The following MLX variants were observed in gnomAD, a reference collection of about 807,000 sequenced individuals.
MLX encodes the protein MAX dimerization protein MLX.
A neutral mutation model predicts 33.0 loss-of-function variants in MLX; 15 were observed. The observed-to-expected ratio is 0.45, with a 90% confidence interval of 0.30 to 0.70. The LOEUF is 0.70. Ranked by LOEUF, MLX falls within the 30% of genes least tolerant of loss-of-function variation. The pLI is 0.07. For synonymous variants in MLX, 115 were observed against 115.6 expected, an observed-to-expected ratio of 0.99 and a Z score of 0.03; for missense variants, 285 against 306.3, an observed-to-expected ratio of 0.93 and a Z score of 0.52.
chr17:42,571,896 G>A lies in MLX; in HGVS notation c.*293G>A. ...GCGTCTGCTCTGGACACCCCAAAGA[G>A]CTCCTGCCCTCTCAGCCCTTTATTC... On this transcript the variant is annotated 3_prime_UTR_variant, in exon 8 of 8. Coordinates refer to ENST00000435881, the MANE Select transcript of MLX (RefSeq NM_198204.2). The A allele has an allele frequency of 2.4e-6, 1 of 423,876 alleles. No homozygotes were observed. The highest frequency in any genetic ancestry group is 2.7e-5 in the South Asian group (1 of 36,490). The allele number at this position is 423,876 out of a possible 1,614,324, so 26.3% of individuals were successfully genotyped here.
chr17:42,568,751 G>T, intron 3 of MLX, 86 bp from the exon 4 acceptor site: 3 of 1,262,224 alleles, frequency 2.4e-6, no homozygotes, highest in South Asian at 1.3e-5. Flanking sequence ...CTGGACACCA[G>T]GTTCTTCCCA....
Position 42,569,224 on chromosome 17 carries a change from G to C in MLX, c.297G>C (p.Gln99His). 2 of 1,614,102 alleles carry C rather than the reference G, an allele frequency of 1.2e-6. No individual in the cohort carries two copies. Among genetic ancestry groups the C allele is most frequent in the Non-Finnish European group, 1.7e-6 (2 of 1,180,030 alleles). The change falls in exon 5 of 8, where the codon CAG becomes CAC. Residue 99 changes from glutamine to histidine, a missense_variant. By Grantham distance (24) the Gln-to-His change is conservative. Coordinates refer to ENST00000435881, the MANE Select transcript of MLX (RefSeq NM_198204.2). Reference sequence around the variant, plus strand: ...CACAGAGAGGCTATGATGACCTTCAGACCATCGTCCCCACTTGCCAGCAGC... The same window carrying C: ...CACAGAGAGGCTATGATGACCTTCACACCATCGTCCCCACTTGCCAGCAGC... ...DAIKRGYDDLQTIVPTCQQQD... is the reference protein window; with the variant it reads ...DAIKRGYDDLHTIVPTCQQQD...
Position 42,569,609 on chromosome 17 carries a change from A to AAG in MLX, c.476+6_476+7dup. On this transcript the variant is annotated splice_donor_region_variant and intron_variant, in intron 6 of 7. Coordinates refer to ENST00000435881, the MANE Select transcript of MLX (RefSeq NM_198204.2). The stretch of plus-strand genomic sequence containing the variant: ...ACCGCCCTAAAGATCATGAAAGTGT[A>AAG]AGAGGGGTGCTGAATGGGGGGAACC... 1 of 1,611,822 alleles carries AAG rather than the reference A, an allele frequency of 6.2e-7. No individual in the cohort carries two copies. Among genetic ancestry groups the AAG allele is most frequent in the African/African-American group, 1.3e-5 (1 of 74,952 alleles).
chr17:42,567,532 G>C (rs1210506409), intron 1 of MLX, 87 bp from the exon 2 acceptor site: 1 of 1,594,710 alleles, frequency 6.3e-7, no homozygotes, highest in Non-Finnish European at 8.6e-7. Flanking sequence ...CCGGAATGGG[G>C]GGCGCGCTGT....
In MLX at chr17:42,569,911, G is replaced by T. The variant is rs893681688; in HGVS notation, c.477-71G>T. On this transcript the variant is annotated intron_variant, in intron 6 of 7. Coordinates refer to ENST00000435881, the MANE Select transcript of MLX (RefSeq NM_198204.2). ...GGCTGCCATTCCTGGGAGTACACAG[G>T]ATAGTCCCGTCATTCTTCTTGGGTG... 2.1e-6 allele frequency: 3 copies of T among 1,434,618 alleles called. No individual in the cohort carries two copies. In the Admixed American group the frequency reaches 5.1e-5, roughly 24 times the overall value. The allele number at this position is 1,434,618 out of a possible 1,614,324, so 88.9% of individuals were successfully genotyped here.
At chr17:42,568,348 G>A (rs1002268298) in intron 2 of MLX, 122 bp from the exon 3 acceptor site, 13 of 637,976 alleles carry the variant, frequency 2.0e-5, no homozygotes, top group Admixed American at 7.7e-5. Context: ...GGGCGACTGA[G>A]CGAGACTCTG....
intron 7 of MLX, among the ~76,000 whole-genome samples, 182 bp downstream of exon 7, chr17:42,570,365 G>A (rs1042266576): frequency 1.3e-5 from 2 of 152,046 alleles, no homozygotes; most frequent in Non-Finnish European, 2.9e-5. Flanking sequence ...TTCATGTTAC[G>A]GTTTCATTCG....
At position 42,571,652 on chromosome 17, in the gene MLX, C is replaced by T; in HGVS notation, c.*49C>T. ...CAGCCAACAAGAGGCCCTTGAATCT[C>T]TACGTGGCCACTGAACTGCTGGGCC... On this transcript the variant is annotated 3_prime_UTR_variant, in exon 8 of 8. Transcript: ENST00000435881. The T allele has an allele frequency of 2.6e-6, 4 of 1,566,116 alleles. No individual in the cohort carries two copies. Among genetic ancestry groups the T allele is most frequent in the Non-Finnish European group, 2.6e-6 (3 of 1,137,260 alleles).
At chr17:42,567,737 C>T in intron 2 of MLX, 82 bp downstream of exon 2, 1 of 1,576,466 alleles carries the variant, frequency 6.3e-7, no homozygotes, top group Non-Finnish European at 8.7e-7. Flanking sequence ...CCAACCACGC[C>T]TGAGCACAGT....
chr17:42,571,138 CTTTT>C (rs928314305), intron 7 of MLX, among the ~76,000 whole-genome samples: 3 of 130,448 alleles, frequency 2.3e-5, no homozygotes, highest in Admixed American at 7.6e-5. Context: ...TTCCTGGGGG[CTTTT>C]TTTTTTTTTT....
At chr17:42,569,450 A>G in intron 5 of MLX, 57 bp from the exon 6 acceptor site, 1 of 1,539,534 alleles carries the variant, frequency 6.5e-7, no homozygotes. Flanking sequence ...AGTCAGCCTT[A>G]TCTTCTTGGT....
chr17:42,571,594 G>A lies in MLX; in HGVS notation c.726G>A (p.Gln242=), dbSNP rs145413116. 6.5e-4 allele frequency: 1,052 copies of A among 1,614,134 alleles called. 1 individual carries two copies. Among genetic ancestry groups the A allele is most frequent in the Middle Eastern group, 1.3e-3 (8 of 6,062 alleles). The change falls in exon 8 of 8, where the codon CAG becomes CAA. Residue 242 remains glutamine, a synonymous_variant. Coordinates refer to ENST00000435881, the MANE Select transcript of MLX (RefSeq NM_198204.2). ...GCGTCCTGCACCAATTGAAAAACCA[G>A]CTTTACTGACCGGTTCTTGGAAACC... is the stretch of plus-strand genomic sequence containing the variant. ...VIGVLHQLKN[Q]LY
chr17:42,567,741 GCA>G (rs2093014694), intron 2 of MLX, 86 bp downstream of exon 2: 1 of 1,567,712 alleles, frequency 6.4e-7, no homozygotes, highest in African/African-American at 1.4e-5. Context: ...CCACGCCTGA[GCA>G]CAGTCCACTC....
intron 7 of MLX, among the ~76,000 whole-genome samples, chr17:42,571,313 T>C (rs975822932): frequency 2.0e-5 from 3 of 152,106 alleles, no homozygotes; most frequent in African/African-American, 7.2e-5. Flanking sequence ...TTTGTATTTT[T>C]AGTAGAGACG....
intron 1 of MLX, 116 bp from the exon 2 acceptor site, chr17:42,567,503 G>A: frequency 1.9e-6 from 3 of 1,551,760 alleles, no homozygotes; most frequent in Non-Finnish European, 2.6e-6. Context: ...CAAGCGCGCA[G>A]GGTGACAGAG....
chr17:42,568,654 G>A (rs2093018902), intron 3 of MLX, 95 bp downstream of exon 3: 1 of 1,266,520 alleles, frequency 7.9e-7, no homozygotes, highest in Non-Finnish European at 1.2e-6. Flanking sequence ...ATCCACACAG[G>A]GGTGCTGGAG....
At chr17:42,570,268 G>A (rs368620798) in intron 7 of MLX, 85 bp downstream of exon 7, 26 of 1,355,148 alleles carry the variant, frequency 1.9e-5, no homozygotes, top group African/African-American at 1.0e-4. Flanking sequence ...TGAGAAAAGC[G>A]TGGCAGCTGC....
intron 2 of MLX, 112 bp from the exon 3 acceptor site, chr17:42,568,358 G>C (rs150672525): frequency 1.4e-6 from 1 of 720,068 alleles, no homozygotes; most frequent in Non-Finnish European, 2.3e-6. Context: ...GCGAGACTCT[G>C]TCTAAAAAAA....
At chr17:42,568,643 C>A in intron 3 of MLX, 84 bp downstream of exon 3, 1 of 1,355,206 alleles carries the variant, frequency 7.4e-7, no homozygotes, top group Non-Finnish European at 1.1e-6. Flanking sequence ...AAGCCCCAGC[C>A]ATCCACACAG....
Sources: gnomAD v4.1 joint callset for allele counts (sites outside exome capture counted in the v4.1 genomes callset) on GRCh38, gnomAD v4.1.1 for gene constraint, MANE v1.5 for transcripts, NCBI Gene and HGNC (gene_info 2026-07-23, HGNC 2026-07-21) for gene names.